Variants in PPP2R5D observed in about 807,000 individuals in gnomAD.
PPP2R5D encodes protein phosphatase 2 regulatory subunit B'delta.
In PPP2R5D, 12 loss-of-function variants were observed where a neutral mutation model predicts 79.1. That is an observed-to-expected ratio of 0.15 (90% CI 0.10 to 0.25). The LOEUF (loss-of-function observed/expected upper bound fraction) is 0.25, where lower values mean the gene tolerates loss of function less well. Ranked by LOEUF, PPP2R5D falls within the 10% of genes least tolerant of loss-of-function variation. PPP2R5D has a pLI of 1.00. For missense variants in PPP2R5D, 419 were observed against 760.2 expected (o/e 0.55, Z 5.28); for synonymous variants, 277 against 286.6 (o/e 0.97, Z 0.34).
chr6:43,008,176 AAG>A lies in PPP2R5D; in HGVS notation c.858-20_858-19del, dbSNP rs1405987100. 6.9e-7 allele frequency: 1 copy of A among 1,449,548 alleles called. No homozygotes were observed. The highest frequency in any genetic ancestry group is 1.8e-5 in the Admixed American group (1 of 56,196). The allele number at this position is 1,449,548 out of a possible 1,614,324, so 89.8% of individuals were successfully genotyped here. A position where few individuals can be genotyped will look rare whatever the true frequency, so the allele number is the denominator to read the frequency against. On this transcript the variant is annotated intron_variant, in intron 7 of 15. Transcript: ENST00000485511. The surrounding 1 kb of genome is among the most constrained non-coding windows in gnomAD (Gnocchi z 4.2). ...TGCTGGAGGGACATCAGGGGTTGTC[AAG>A]AGAGCCATTTTTCTTCCCTCAGGTT...
chr6:42,992,604 A>G (rs1199169883), intron 2 of PPP2R5D, among the ~76,000 whole-genome samples: 1 of 152,150 alleles, frequency 6.6e-6, no homozygotes, highest in African/African-American at 2.4e-5. Context: ...GCTTGAGGGC[A>G]GGAGTTTGAC....
At position 43,010,771 on chromosome 6, in the gene PPP2R5D, G is replaced by C; in HGVS notation, c.1554+35G>C. ...TCCTGCCACTGTTGTGAACTGAGGG[G>C]CCAGCCCATCTTGAGCTGGGGGAGA... On this transcript the variant is annotated intron_variant, in intron 14 of 15. Coordinates refer to ENST00000485511, the MANE Select transcript of PPP2R5D (RefSeq NM_006245.4). The surrounding 1 kb of genome is among the most constrained non-coding windows in gnomAD (Gnocchi z 4.7). 6.2e-7 allele frequency: 1 copy of C among 1,611,492 alleles called. No homozygotes were observed. The highest frequency in any genetic ancestry group is 8.5e-7 in the Non-Finnish European group (1 of 1,177,590).
chr6:42,999,877 A>T (rs1772051237), intron 2 of PPP2R5D, among the ~76,000 whole-genome samples: 1 of 150,132 alleles, frequency 6.7e-6, no homozygotes, highest in Non-Finnish European at 1.5e-5. Flanking sequence ...GGAGCATAAG[A>T]CCCCCTGTTC....
At chr6:42,992,439 T>C (rs1316848188) in intron 2 of PPP2R5D, among the ~76,000 whole-genome samples, 2 of 152,188 alleles carry the variant, frequency 1.3e-5, no homozygotes, top group Non-Finnish European at 2.9e-5. Context: ...GCCTTTCTAA[T>C]TGATCTAATA....
chr6:43,008,374 A>C lies in PPP2R5D; in HGVS notation c.925A>C (p.Asn309His). The C allele has an allele frequency of 6.2e-7, 1 of 1,613,946 alleles. No homozygotes were observed. Among genetic ancestry groups the C allele is most frequent in the Non-Finnish European group, 8.5e-7 (1 of 1,179,898 alleles). ...ATGTCCCTTAATTCCTAGCATCATC[A>C]ATGGCTTTGCCCTGCCCCTTAAAGA... is the stretch of plus-strand genomic sequence containing the variant. The part of the protein sequence containing the change: ...ELLEILGSII[N>H]GFALPLKEEH... Residue 309 changes from asparagine (N) to histidine (H), a missense_variant, in exon 9 of 16, where the codon AAT becomes CAT. Physicochemically the swap from Asn to His is moderately conservative, Grantham distance 68. Transcript: ENST00000485511. This position sits in a 1 kb window ranked among gnomAD's most constrained non-coding sequence, Gnocchi z 4.2.
At chr6:42,988,034 C>T (rs1250187266) in intron 1 of PPP2R5D, among the ~76,000 whole-genome samples, 1 of 152,124 alleles carries the variant, frequency 6.6e-6, no homozygotes, top group Non-Finnish European at 1.5e-5. Context: ...TAGTATACAG[C>T]AGGAGCGTGC....
rs141996737 is a variant in PPP2R5D, at chr6:43,006,516, G to A, written c.159G>A (p.Pro53=). The A allele has an allele frequency of 5.7e-5, 92 of 1,610,394 alleles. No individual in the cohort carries two copies. The highest frequency in any genetic ancestry group is 1.2e-4 in the African/African-American group (9 of 74,928). The change falls in exon 3 of 16, where the codon CCG becomes CCA. Residue 53 remains proline, a synonymous_variant. Coordinates refer to ENST00000485511, the MANE Select transcript of PPP2R5D (RefSeq NM_006245.4). The surrounding 1 kb of genome is among the most constrained non-coding windows in gnomAD (Gnocchi z 4.7). The part of the protein sequence containing the change: ...QPQPQAQSQP[P]SSNKRPSNST... ...AGCCCCAAGCCCAGTCTCAGCCACC[G>A]TCATCCAACAAGCGTCCCAGCAATA...
rs975374602 is a variant in PPP2R5D at position 43,010,023 on chromosome 6, C to T, written c.1380-445C>T. Among the ~76,000 whole-genome samples, 8 of 151,966 alleles carry T rather than the reference C, an allele frequency of 5.3e-5. No individual in the cohort carries two copies. The highest frequency in any genetic ancestry group is 1.3e-4 in the Admixed American group (2 of 15,254). On this transcript the variant is annotated intron_variant, in intron 12 of 15. Transcript: ENST00000485511. This position sits in a 1 kb window ranked among gnomAD's most constrained non-coding sequence, Gnocchi z 4.7. Reference sequence around the variant, plus strand: ...GGTGACGGTTGCAGTGAGCCGAGATCGTGCCACTGCACTCCAGCCTGGGCA... The same window carrying T: ...GGTGACGGTTGCAGTGAGCCGAGATTGTGCCACTGCACTCCAGCCTGGGCA...
intron 1 of PPP2R5D, among the ~76,000 whole-genome samples, chr6:42,986,447 A>G (rs572005820): frequency 1.3e-5 from 2 of 151,972 alleles, no homozygotes; most frequent in African/African-American, 2.4e-5. Context: ...GCTGTTCTGT[A>G]TTTGCCAGGC....
chr6:42,988,174 C>T (rs1358931216), intron 1 of PPP2R5D, among the ~76,000 whole-genome samples: 8 of 152,194 alleles, frequency 5.3e-5, no homozygotes, highest in Non-Finnish European at 1.2e-4. Context: ...CCCTGAAATC[C>T]TTTTGCCCCC....
chr6:42,992,616 C>T (rs1169845948), intron 2 of PPP2R5D, among the ~76,000 whole-genome samples: 1 of 151,788 alleles, frequency 6.6e-6, no homozygotes, highest in Admixed American at 6.6e-5. Flanking sequence ...GAGTTTGACA[C>T]CAGCCTGGGC....
At chr6:42,994,168 A>G (rs1306941523) in intron 2 of PPP2R5D, among the ~76,000 whole-genome samples, 1 of 152,012 alleles carries the variant, frequency 6.6e-6, no homozygotes, top group South Asian at 2.1e-4. Flanking sequence ...TTAGCCTGGC[A>G]TGGTCCAGCT....
chr6:43,005,630 T>G (rs1185368084), intron 2 of PPP2R5D, among the ~76,000 whole-genome samples: 3 of 151,974 alleles, frequency 2.0e-5, no homozygotes, highest in Non-Finnish European at 4.4e-5. Context: ...TGTTTTGTTT[T>G]TTTTTTTTGA....
intron 1 of PPP2R5D, 111 bp from the exon 2 acceptor site, chr6:42,989,500 T>G (rs1771096590): frequency 2.2e-6 from 2 of 896,284 alleles, no homozygotes; most frequent in African/African-American, 3.3e-5. Context: ...AGATTCTAAT[T>G]GATTGATTCA....
intron 2 of PPP2R5D, among the ~76,000 whole-genome samples, chr6:42,991,279 G>C (rs1177222218): frequency 6.6e-6 from 1 of 152,184 alleles, no homozygotes; most frequent in African/African-American, 2.4e-5. Flanking sequence ...CTGGTAACTT[G>C]ACATTTAGAG....
At chr6:42,997,453 A>G (rs773309378) in intron 2 of PPP2R5D, among the ~76,000 whole-genome samples, 3 of 151,338 alleles carry the variant, frequency 2.0e-5, no homozygotes, top group Non-Finnish European at 2.9e-5. Context: ...CAGCCTCCCA[A>G]AGTGCTGGGA....
At chr6:42,996,396 G>A (rs1771693814) in intron 2 of PPP2R5D, among the ~76,000 whole-genome samples, 2 of 151,448 alleles carry the variant, frequency 1.3e-5, no homozygotes, top group East Asian at 2.0e-4. Flanking sequence ...ACTGGGAGGC[G>A]GAGCTTGCAG....
rs563075519 is a variant in PPP2R5D, at chr6:43,009,211, C to G, written c.1235C>G (p.Ser412Cys). ...TTCCGCCAGCTGGCCAAGTGTGTCT[C>G]TAGCCCCCATTTCCAGGTGAGACTC... ...PLFRQLAKCV[S>C]SPHFQVAERA... Residue 412 changes from serine to cysteine, a missense_variant, in exon 11 of 16, where the codon TCT becomes TGT. By Grantham distance (112) the Ser-to-Cys change is moderately radical. Transcript: ENST00000485511. This position sits in a 1 kb window ranked among gnomAD's most constrained non-coding sequence, Gnocchi z 5.6. 1 of 1,614,148 alleles carries G rather than the reference C, an allele frequency of 6.2e-7. No individual in the cohort carries two copies. The highest frequency in any genetic ancestry group is 1.1e-5 in the South Asian group (1 of 91,082).
At position 43,012,197 on chromosome 6, in the gene PPP2R5D, C is replaced by T. The variant is rs940207023; in HGVS notation, c.*911C>T. 1.4e-5 allele frequency: 16 copies of T among 1,149,486 alleles called. No homozygotes were observed. Among genetic ancestry groups the T allele is most frequent in the African/African-American group, 8.0e-5 (5 of 62,504 alleles). The allele number at this position is 1,149,486 out of a possible 1,614,324, so 71.2% of individuals were successfully genotyped here. On this transcript the variant is annotated 3_prime_UTR_variant, in exon 16 of 16. Transcript: ENST00000485511. ...GGGCCAGGGGCTGAGGAAGGCCGGA[C>T]CCAGGTTCCAGGGGCGCAGGCAGTG... is the stretch of plus-strand genomic sequence containing the variant.
Sources: allele counts gnomAD v4.1 joint callset (sites outside exome capture counted in the v4.1 genomes callset), GRCh38; gene constraint gnomAD v4.1.1; non-coding constraint Gnocchi (gnomAD v3.1); transcripts MANE v1.5; gene names NCBI Gene and HGNC (gene_info 2026-07-23, HGNC 2026-07-21).